Variants in RUBCN observed in about 807,000 individuals in gnomAD.
RUBCN encodes the protein rubicon autophagy regulator, also known as run domain Beclin-1-interacting and cysteine-rich domain-containing protein.
In RUBCN, 74 loss-of-function variants were observed where a neutral mutation model predicts 113.2. The ratio of observed to expected loss-of-function variants is 0.65; its 90% CI spans 0.54 to 0.79. RUBCN has a LOEUF of 0.79. RUBCN is among the 30% of genes least tolerant of loss of function. The pLI, the probability that RUBCN is intolerant of heterozygous loss-of-function variation, is 0.00. For synonymous variants in RUBCN, 480 were observed against 490.0 expected (o/e 0.98, Z 0.27); for missense variants, 1,109 against 1,251.7 (o/e 0.89, Z 1.72).
At chr3:197,738,238 G>A (rs909846751), upstream of RUBCN, among the ~76,000 whole-genome samples, 2 of 152,212 alleles carry the variant, frequency 1.3e-5, no homozygotes, top group African/African-American at 2.4e-5. Flanking sequence ...CTACAGCAGC[G>A]GTTGAAGAGA....
chr3:197,680,661 G>A lies in RUBCN; in HGVS notation c.2430+468C>T, dbSNP rs143106610. 5.1e-3 allele frequency among the ~76,000 whole-genome samples: 783 copies of A among 152,278 alleles called. 6 individuals carry two copies. The highest frequency in any genetic ancestry group is 0.02 in the Middle Eastern group (6 of 294). On this transcript the variant is annotated intron_variant, in intron 16 of 19. Transcript: ENST00000296343. Reference sequence around the variant, plus strand: ...CCCTCTAGTCAGGGAAGGCCCCTCCGCCAGGTCTGTCTGCCCGAGTCACAT... The same window carrying A: ...CCCTCTAGTCAGGGAAGGCCCCTCCACCAGGTCTGTCTGCCCGAGTCACAT...
At position 197,675,066 on chromosome 3, in the gene RUBCN, C is replaced by T; in HGVS notation, c.2871G>A (p.Glu957=). Residue 957 remains glutamate (E), a synonymous_variant, in exon 20 of 20, where the codon GAG becomes GAA. Transcript: ENST00000296343. The surrounding 1 kb of genome is among the most constrained non-coding windows in gnomAD (Gnocchi z 4.4). Reference sequence around the variant, plus strand: ...CTTCCAGGGCCAGCGCTTCCGCGGGCTCCTCCTCGTAGTCTGACAGGTAAG... The same window carrying T: ...CTTCCAGGGCCAGCGCTTCCGCGGGTTCCTCCTCGTAGTCTGACAGGTAAG... ...LESYLSDYEE[E]PAEALALEAA... is the part of the protein sequence containing the mutation. The T allele has an allele frequency of 6.2e-7, 1 of 1,613,348 alleles. No individual in the cohort carries two copies. The highest frequency in any genetic ancestry group is 8.5e-7 in the Non-Finnish European group (1 of 1,179,930).
chr3:197,696,854 T>C, intron 8 of RUBCN, 100 bp downstream of exon 8: 1 of 733,416 alleles, frequency 1.4e-6, no homozygotes, highest in Non-Finnish European at 2.5e-6. Flanking sequence ...GTGTGTACCC[T>C]CCAGAGAGCT....
chr3:197,738,755 T>G (rs1479756737), upstream of RUBCN, among the ~76,000 whole-genome samples: 1 of 151,890 alleles, frequency 6.6e-6, no homozygotes, highest in Admixed American at 6.6e-5. Flanking sequence ...TAATTTGTTT[T>G]TTTTTTTTTA....
intron 11 of RUBCN, among the ~76,000 whole-genome samples, chr3:197,688,756 C>A (rs1238783160): frequency 6.6e-6 from 1 of 152,186 alleles, no homozygotes; most frequent in East Asian, 1.9e-4. Flanking sequence ...ACACCATCAG[C>A]AGAAGTAGAT....
chr3:197,737,035 A>C (rs1728233984), upstream of RUBCN: 1 of 871,076 alleles, frequency 1.1e-6, no homozygotes. Context: ...CCGCTCCCGC[A>C]AGCCGCGCCC....
At chr3:197,717,282 A>C (rs1005181661) in intron 2 of RUBCN, among the ~76,000 whole-genome samples, 19 of 151,912 alleles carry the variant, frequency 1.3e-4, no homozygotes, top group African/African-American at 4.6e-4. Flanking sequence ...TCTCTACTAA[A>C]AAATAGAAAA....
intron 5 of RUBCN, 70 bp from the exon 6 acceptor site, chr3:197,701,934 C>G: frequency 7.1e-7 from 1 of 1,415,178 alleles, no homozygotes; most frequent in East Asian, 2.4e-5. Flanking sequence ...GGGGGCAACG[C>G]AGTACTGCAG....
Position 197,694,496 on chromosome 3 carries a change from C to G in RUBCN, c.1563G>C (p.Glu521Asp). Residue 521 changes from glutamate to aspartate, a missense_variant, in exon 10 of 20, where the codon GAG becomes GAC. By Grantham distance (45) the Glu-to-Asp change is conservative. This residue lies in a region of RUBCN where 736 missense variants were observed against 779.6 expected (regional missense o/e 0.94). Transcript: ENST00000296343. ...TATCACTGTCTTCCTCTTCCACTTC[C>G]TCCTCCTCTAGGCACTGGCTCATCA... is the stretch of plus-strand genomic sequence containing the variant. ...CNMMSQCLEE[E>D]EVEEEDSDRE... The G allele has an allele frequency of 6.2e-7, 1 of 1,614,196 alleles. No homozygotes were observed. Among genetic ancestry groups the G allele is most frequent in the Non-Finnish European group, 8.5e-7 (1 of 1,180,006 alleles).
At chr3:197,732,343 T>C (rs1727611853) in intron 1 of RUBCN, among the ~76,000 whole-genome samples, 1 of 152,208 alleles carries the variant, frequency 6.6e-6, no homozygotes, top group African/African-American at 2.4e-5. Flanking sequence ...GAGACGAGTC[T>C]CACTCTGTCT....
intron 11 of RUBCN, among the ~76,000 whole-genome samples, chr3:197,688,627 A>G (rs1471691175): frequency 6.6e-6 from 1 of 152,234 alleles, no homozygotes; most frequent in African/African-American, 2.4e-5. Flanking sequence ...TGATGCAGCT[A>G]TAATAGAAGA....
intron 1 of RUBCN, among the ~76,000 whole-genome samples, chr3:197,735,080 A>C (rs1323540823): frequency 6.6e-6 from 1 of 152,206 alleles, no homozygotes; most frequent in Non-Finnish European, 1.5e-5. Context: ...CCATCATTAT[A>C]TCTGAAACTG....
intron 14 of RUBCN, 75 bp downstream of exon 14, chr3:197,682,395 T>G (rs1418882664): frequency 1.3e-6 from 2 of 1,560,756 alleles, no homozygotes; most frequent in Non-Finnish European, 1.8e-6. Flanking sequence ...CAGGGACAAG[T>G]GGGTGAGACG....
chr3:197,715,840 C>G (rs923498630), intron 2 of RUBCN, among the ~76,000 whole-genome samples: 1 of 151,946 alleles, frequency 6.6e-6, no homozygotes, highest in Non-Finnish European at 1.5e-5. Context: ...TAAAGTCTCA[C>G]TATCCTTACA....
chr3:197,693,655 T>C, intron 11 of RUBCN, 60 bp downstream of exon 11: 3 of 1,139,468 alleles, frequency 2.6e-6, no homozygotes, highest in Non-Finnish European at 2.7e-6. Context: ...TCGCAGCTTA[T>C]CATTCTAAAT....
intron 1 of RUBCN, among the ~76,000 whole-genome samples, chr3:197,719,679 A>G (rs1725931709): frequency 6.6e-6 from 1 of 152,138 alleles, no homozygotes; most frequent in African/African-American, 2.4e-5. Context: ...TAAGGTGCCA[A>G]AGCTACAAAA....
chr3:197,688,932 G>A (rs752056703), intron 11 of RUBCN, among the ~76,000 whole-genome samples: 38 of 152,216 alleles, frequency 2.5e-4, no homozygotes, highest in Non-Finnish European at 4.9e-4. Flanking sequence ...CTACTGGGGC[G>A]ATGACAATGT....
chr3:197,682,339 C>T lies in RUBCN; in HGVS notation c.2126+131G>A, dbSNP rs1361620296. Reference sequence around the variant, plus strand: ...AAGGACCAAATGGACGACGCCCCCCCTCTGCCTTTAAATGAAGAGAACGGT... The same window carrying T: ...AAGGACCAAATGGACGACGCCCCCCTTCTGCCTTTAAATGAAGAGAACGGT... On this transcript the variant is annotated intron_variant, in intron 14 of 19. Transcript: ENST00000296343. The T allele has an allele frequency of 7.3e-6, 8 of 1,101,702 alleles. No individual in the cohort carries two copies. In the African/African-American group the frequency reaches 7.8e-5, roughly 11 times the overall value. 68.2% of individuals were successfully genotyped at this position (1,101,702 alleles called of 1,614,324 possible).
chr3:197,673,463 T>G lies in RUBCN; in HGVS notation c.*1555A>C, dbSNP rs553904711. 1 of 152,410 alleles carries G rather than the reference T, an allele frequency of 6.6e-6. No homozygotes were observed. Among genetic ancestry groups the G allele is most frequent in the East Asian group, 1.9e-4 (1 of 5,182 alleles). The allele number at this position is 152,410 out of a possible 1,614,324, so 9.4% of individuals were successfully genotyped here. The stretch of plus-strand genomic sequence containing the variant: ...CATTTCTTTCCTACCAGCAAGCAAC[T>G]ATGAGAAGACATGCCCATGGGCAGA... On this transcript the variant is annotated 3_prime_UTR_variant, in exon 20 of 20. Coordinates refer to ENST00000296343, the MANE Select transcript of RUBCN (RefSeq NM_014687.4).
Sources: gnomAD v4.1 joint callset for allele counts (sites outside exome capture counted in the v4.1 genomes callset) on GRCh38, gnomAD v4.1.1 for gene constraint, gnomAD v4.1.1 regional missense constraint, Gnocchi (gnomAD v3.1) non-coding constraint, MANE v1.5 for transcripts, NCBI Gene and HGNC (gene_info 2026-07-23, HGNC 2026-07-21) for gene names.